The following KIF1B variants were observed in gnomAD, a reference collection of about 807,000 sequenced individuals.
KIF1B encodes the protein kinesin-like protein KIF1B.
Under a neutral mutation model 241.9 loss-of-function variants are expected in KIF1B, and 76 were observed. That is an observed-to-expected ratio of 0.31 (90% CI 0.26 to 0.38). The LOEUF is 0.38. KIF1B is among the 10% of genes least tolerant of loss of function. The pLI is 1.00. For synonymous variants in KIF1B, 750 were observed against 796.7 expected, an observed-to-expected ratio of 0.94 and a Z score of 0.99; for missense variants, 1,622 against 2,271.4, an observed-to-expected ratio of 0.71 and a Z score of 5.81.
intron 5 of KIF1B, among the ~76,000 whole-genome samples, chr1:10,264,490 G>A (rs993240721): frequency 2.6e-5 from 4 of 152,190 alleles, no homozygotes; most frequent in African/African-American, 7.2e-5. Flanking sequence ...GAAAAGGTAC[G>A]AGTGTTCCAA....
chr1:10,277,090 A>G, intron 12 of KIF1B, among the ~76,000 whole-genome samples: 1 of 152,042 alleles, frequency 6.6e-6, no homozygotes. Context: ...AAAAAAAAAA[A>G]AAAATAAATT....
intron 12 of KIF1B, 92 bp from the exon 13 acceptor site, chr1:10,277,892 ACT>A: frequency 3.6e-6 from 4 of 1,112,316 alleles, no homozygotes; most frequent in Non-Finnish European, 5.4e-6. Flanking sequence ...AAATGTAAAC[ACT>A]CAGGATATTT....
intron 34 of KIF1B, 55 bp downstream of exon 34, chr1:10,343,342 T>C (rs1652470308): frequency 8.5e-6 from 13 of 1,529,388 alleles, no homozygotes; most frequent in Non-Finnish European, 1.2e-5. Flanking sequence ...ACATGTCTTA[T>C]TCTGAATGAC....
chr1:10,224,359 G>A (rs529558573), intron 1 of KIF1B, among the ~76,000 whole-genome samples: 17 of 152,060 alleles, frequency 1.1e-4, no homozygotes, highest in South Asian at 1.0e-3. Flanking sequence ...CTTGTGATCC[G>A]CCCGCCTCAG....
rs541410662 is a variant in KIF1B, at chr1:10,278,483, T to C, written c.1180+355T>C. 39 of 253,514 alleles carry C rather than the reference T, an allele frequency of 1.5e-4. No homozygotes were observed. In the East Asian group the frequency reaches 3.4e-3, roughly 22 times the overall value. 15.7% of individuals were successfully genotyped at this position (253,514 alleles called of 1,614,324 possible). A position where few individuals can be genotyped will look rare whatever the true frequency, so the allele number is the denominator to read the frequency against. On this transcript the variant is annotated intron_variant, in intron 13 of 48. Transcript: ENST00000676179. ...AATTAATTACTTCATAGAAATGTTA[T>C]TTGAAATTTTGAGTTTTGTTTCATG...
chr1:10,300,440 T>G (rs1650486496), intron 22 of KIF1B, among the ~76,000 whole-genome samples: 1 of 151,710 alleles, frequency 6.6e-6, no homozygotes, highest in Admixed American at 6.6e-5. Context: ...AGAAAGAAAA[T>G]GACAGCTGCT....
At chr1:10,248,352 A>G (rs1391619957) in intron 2 of KIF1B, among the ~76,000 whole-genome samples, 2 of 151,994 alleles carry the variant, frequency 1.3e-5, no homozygotes, top group East Asian at 3.9e-4. Context: ...GGCGCACGCT[A>G]CCATACTTGG....
At chr1:10,241,027 G>A (rs944808397) in intron 2 of KIF1B, among the ~76,000 whole-genome samples, 6 of 152,048 alleles carry the variant, frequency 3.9e-5, no homozygotes, top group African/African-American at 1.2e-4. Flanking sequence ...TTCCCAGTCT[G>A]CTGTCTCAGG....
intron 1 of KIF1B, among the ~76,000 whole-genome samples, chr1:10,226,360 A>G (rs1278093290): frequency 2.6e-5 from 4 of 152,150 alleles, no homozygotes; most frequent in African/African-American, 9.7e-5. Flanking sequence ...AGAAAAATGT[A>G]TGTGTGTATG....
intron 24 of KIF1B, 121 bp downstream of exon 24, chr1:10,321,978 A>AG: frequency 3.0e-6 from 3 of 995,328 alleles, no homozygotes; most frequent in Non-Finnish European, 4.7e-6. Flanking sequence ...GTGCTATAAA[A>AG]CAGCTTTATA....
At position 10,275,382 on chromosome 1, in the gene KIF1B, T is replaced by C. The variant is rs750708921; in HGVS notation, c.883-46T>C. 2.6e-5 allele frequency: 28 copies of C among 1,076,116 alleles called. No homozygotes were observed. The East Asian group carries it at 6.4e-4, about 25-fold the overall frequency. The allele number at this position is 1,076,116 out of a possible 1,614,324, so 66.7% of individuals were successfully genotyped here. ...ACTGATTTGCCTTTCTTGGGAATTT[T>C]TTTCCCTAACGAAAAATGCTAAGAC... On this transcript the variant is annotated intron_variant, in intron 10 of 48. Coordinates refer to ENST00000676179, the MANE Select transcript of KIF1B (RefSeq NM_001365951.3).
chr1:10,295,969 T>TTG (rs1650243899), intron 19 of KIF1B, among the ~76,000 whole-genome samples: 1 of 133,306 alleles, frequency 7.5e-6, no homozygotes, highest in Admixed American at 7.7e-5. Context: ...AGAAGCCCTT[T>TTG]TTTACTGCCA....
At chr1:10,313,653 C>G (rs1283218387) in intron 22 of KIF1B, among the ~76,000 whole-genome samples, 1 of 148,938 alleles carries the variant, frequency 6.7e-6, no homozygotes, top group Non-Finnish European at 1.5e-5. Flanking sequence ...TGGGTTCACA[C>G]CATTCTCCTG....
At chr1:10,329,242 TA>T (rs1230373518) in intron 27 of KIF1B, among the ~76,000 whole-genome samples, 1 of 152,216 alleles carries the variant, frequency 6.6e-6, no homozygotes, top group East Asian at 1.9e-4. Flanking sequence ...TAGCAATCAG[TA>T]AAGTGAAGGA....
At chr1:10,270,925 CAAAA>C (rs34851583) in intron 7 of KIF1B, among the ~76,000 whole-genome samples, 3 of 91,144 alleles carry the variant, frequency 3.3e-5, no homozygotes, top group Non-Finnish European at 4.5e-5. Flanking sequence ...GACTCTGTCT[CAAAA>C]AAAAAAAAAA....
intron 2 of KIF1B, among the ~76,000 whole-genome samples, chr1:10,241,144 G>C (rs766987657): frequency 3.3e-5 from 5 of 152,078 alleles, no homozygotes; most frequent in Non-Finnish European, 5.9e-5. Context: ...ACGAGGTCTT[G>C]CTCTGTTGCG....
Position 10,344,585 on chromosome 1 carries a change from G to T in KIF1B, c.3689-1260G>T, listed in dbSNP as rs565079438. Among the ~76,000 whole-genome samples, 555 of 152,258 alleles carry T rather than the reference G, an allele frequency of 3.6e-3. 2 individuals are homozygous for T. Among genetic ancestry groups the T allele is most frequent in the Admixed American group, 6.0e-3 (92 of 15,296 alleles). On this transcript the variant is annotated intron_variant, in intron 34 of 48. Transcript: ENST00000676179. Reference sequence around the variant, plus strand: ...TGAAGATTTTACTAGTAGTTGGTTTGTTAGAATACTTCTGGTTTTGCTTTC... The same window carrying T: ...TGAAGATTTTACTAGTAGTTGGTTTTTTAGAATACTTCTGGTTTTGCTTTC...
intron 14 of KIF1B, 112 bp downstream of exon 14, chr1:10,279,250 A>C: frequency 1.5e-6 from 1 of 674,322 alleles, no homozygotes; most frequent in South Asian, 1.9e-5. Flanking sequence ...GGGAAATCCC[A>C]GACAGAGCAT....
intron 27 of KIF1B, among the ~76,000 whole-genome samples, chr1:10,329,874 T>C (rs1651859057): frequency 6.6e-6 from 1 of 152,230 alleles, no homozygotes; most frequent in African/African-American, 2.4e-5. Flanking sequence ...GCTGGGATGT[T>C]ATGAACCATC....
Sources: gnomAD v4.1 joint callset for allele counts (sites outside exome capture counted in the v4.1 genomes callset) on GRCh38, gnomAD v4.1.1 for gene constraint, MANE v1.5 for transcripts, NCBI Gene and HGNC (gene_info 2026-07-23, HGNC 2026-07-21) for gene names.